SLC12A8: variants seen among roughly 807,000 people sequenced by gnomAD.
SLC12A8 encodes the protein cation-chloride cotransporter 9.
In SLC12A8, 69 loss-of-function variants were observed where a neutral mutation model predicts 75.6. That is an observed-to-expected ratio of 0.91 (90% CI 0.75 to 1.11). The LOEUF (loss-of-function observed/expected upper bound fraction) is 1.11, where lower values mean the gene tolerates loss of function less well. Ranked by LOEUF, SLC12A8 falls within the 50% of genes most tolerant of loss-of-function variation. The pLI is 0.00. For missense variants in SLC12A8, 877 were observed against 896.7 expected (o/e 0.98, Z 0.28); for synonymous variants, 365 against 372.8 (o/e 0.98, Z 0.24).
At chr3:125,195,470 G>T (rs2107798976) in intron 2 of SLC12A8, among the ~76,000 whole-genome samples, 1 of 152,292 alleles carries the variant, frequency 6.6e-6, no homozygotes, top group East Asian at 1.9e-4. Context: ...CAGCACCCTT[G>T]GTCTGTATAG....
intron 5 of SLC12A8, chr3:125,155,140 G>T (rs930383479): frequency 9.2e-5 from 14 of 152,078 alleles, no homozygotes; most frequent in African/African-American, 3.1e-4. Flanking sequence ...TAGTATTTTC[G>T]GACTGTGGTT....
At chr3:125,137,366 G>T (rs940591906) in intron 5 of SLC12A8, among the ~76,000 whole-genome samples, 2 of 152,196 alleles carry the variant, frequency 1.3e-5, no homozygotes, top group African/African-American at 4.8e-5. Flanking sequence ...AATCCCAAGT[G>T]CTGTACAACT....
intron 12 of SLC12A8, 36 bp from the exon 13 acceptor site, chr3:125,088,406 G>T (rs1424834957): frequency 1.2e-6 from 2 of 1,605,372 alleles, no homozygotes; most frequent in African/African-American, 2.7e-5. Flanking sequence ...ATTTTTGAAG[G>T]TTCTACATAA....
chr3:125,091,988 C>T (rs1447002108), intron 11 of SLC12A8, 113 bp downstream of exon 11: 1 of 650,806 alleles, frequency 1.5e-6, no homozygotes, highest in Non-Finnish European at 2.7e-6. Context: ...ACAGGCAAAT[C>T]ACATTGCTTC....
chr3:125,146,903 C>T (rs921196405), intron 5 of SLC12A8, among the ~76,000 whole-genome samples: 12 of 152,342 alleles, frequency 7.9e-5, no homozygotes, highest in East Asian at 1.9e-4. Flanking sequence ...AGAAGCAGGG[C>T]GGGGAAGCTG....
intron 10 of SLC12A8, among the ~76,000 whole-genome samples, chr3:125,105,945 G>A (rs981877512): frequency 6.6e-5 from 10 of 152,286 alleles, no homozygotes; most frequent in East Asian, 3.9e-4. Context: ...CAGGAGAACC[G>A]CTTGAACCCG....
At chr3:125,177,020 G>A (rs1182244055) in intron 5 of SLC12A8, among the ~76,000 whole-genome samples, 11 of 151,776 alleles carry the variant, frequency 7.2e-5, no homozygotes, top group Non-Finnish European at 1.6e-4. Flanking sequence ...AAAGACACAT[G>A]CACACGTATG....
At chr3:125,178,500 G>C (rs7625722) in intron 4 of SLC12A8, among the ~76,000 whole-genome samples, 2,843 of 152,124 alleles carry the variant, frequency 0.019, 87 homozygotes, top group African/African-American at 0.064. Flanking sequence ...GGCTACCCAA[G>C]GACTATCTAG....
intron 5 of SLC12A8, among the ~76,000 whole-genome samples, chr3:125,149,145 G>C (rs531751047): frequency 2.2e-4 from 34 of 152,320 alleles, no homozygotes; most frequent in African/African-American, 8.2e-4. Flanking sequence ...CCAGGGAGTC[G>C]GGCCAGCCCA....
chr3:125,121,265 T>C (rs962115858), intron 6 of SLC12A8, among the ~76,000 whole-genome samples: 2 of 152,240 alleles, frequency 1.3e-5, no homozygotes, highest in African/African-American at 4.8e-5. Flanking sequence ...AGAACACTAA[T>C]GAAAATGAAT....
At chr3:125,148,402 G>C (rs1332842333) in intron 5 of SLC12A8, among the ~76,000 whole-genome samples, 3 of 152,212 alleles carry the variant, frequency 2.0e-5, no homozygotes, top group Admixed American at 2.0e-4. Context: ...CAGGGAGCAT[G>C]AAGATCCAGG....
chr3:125,159,564 C>A (rs1409568316), intron 5 of SLC12A8, among the ~76,000 whole-genome samples: 1 of 152,204 alleles, frequency 6.6e-6, no homozygotes, highest in East Asian at 1.9e-4. Context: ...TCTGATTTAG[C>A]CCTCCAAATG....
At chr3:125,088,086 G>A in intron 13 of SLC12A8, 1 of 549,578 alleles carries the variant, frequency 1.8e-6, no homozygotes, top group Non-Finnish European at 3.3e-6. Context: ...GATAAGAAGG[G>A]AAGAGGACAT....
chr3:125,120,018 G>A (rs73191223), intron 7 of SLC12A8: 90 of 398,812 alleles, frequency 2.3e-4, no homozygotes, highest in African/African-American at 1.9e-3. Flanking sequence ...GGAGCTGGAG[G>A]GGAGGCTCAC....
At chr3:125,113,455 T>TCATC (rs556606128) in intron 8 of SLC12A8, among the ~76,000 whole-genome samples, 3,023 of 152,272 alleles carry the variant, frequency 0.02, 43 homozygotes, top group Non-Finnish European at 0.029. Context: ...CTGTCATTTG[T>TCATC]CATCCATCCA....
At chr3:125,136,470 G>C (rs628562) in intron 5 of SLC12A8, among the ~76,000 whole-genome samples, 150,269 of 152,286 alleles carry the variant, frequency 0.99, 74,166 homozygotes, top group East Asian at 1. Context: ...CCTCACTGCT[G>C]TTGACGCTAG....
intron 5 of SLC12A8, among the ~76,000 whole-genome samples, chr3:125,147,371 G>A (rs943780357): frequency 6.6e-6 from 1 of 152,200 alleles, no homozygotes; most frequent in Non-Finnish European, 1.5e-5. Flanking sequence ...GGGCTGGCAG[G>A]GGCACTCTGC....
chr3:125,141,176 G>T (rs929293064), intron 5 of SLC12A8, among the ~76,000 whole-genome samples: 2 of 147,506 alleles, frequency 1.4e-5, no homozygotes, highest in Admixed American at 1.4e-4. Context: ...GGGTGGGGTG[G>T]GGTGCGGGTA....
At chr3:125,112,096 T>A (rs1386837705) in intron 8 of SLC12A8, among the ~76,000 whole-genome samples, 1 of 152,198 alleles carries the variant, frequency 6.6e-6, no homozygotes, top group East Asian at 1.9e-4. Context: ...TCCATTGGGT[T>A]TCTATTACAC....
Sources: gnomAD v4.1 joint callset for allele counts (sites outside exome capture counted in the v4.1 genomes callset) on GRCh38, gnomAD v4.1.1 for gene constraint, MANE v1.5 for transcripts, NCBI Gene and HGNC (gene_info 2026-07-23, HGNC 2026-07-21) for gene names.